ABI3BP: variants seen among roughly 807,000 people sequenced by gnomAD.
The protein encoded by ABI3BP is target of Nesh-SH3.
In ABI3BP, 216 loss-of-function variants were observed where a neutral mutation model predicts 268.6. The observed-to-expected ratio is 0.80, with a 90% CI of 0.72 to 0.90. ABI3BP has a LOEUF of 0.90. Among genes scored for constraint, ABI3BP ranks in the 40% least tolerant of loss-of-function variants. ABI3BP has a pLI of 0.00. For missense variants in ABI3BP, 2,090 were observed against 2,182.4 expected (o/e 0.96, Z 0.84); for synonymous variants, 730 against 730.0 (o/e 1.00, Z 0.00).
chr3:100,750,830 G>GT (rs779684872), intron 67 of ABI3BP, among the ~76,000 whole-genome samples: 12 of 152,198 alleles, frequency 7.9e-5, no homozygotes, highest in Non-Finnish European at 1.8e-4. Context: ...GCCGTGTCAA[G>GT]TTAGGAGGGG....
At chr3:100,758,882 G>C (rs2095787263) in intron 63 of ABI3BP, among the ~76,000 whole-genome samples, 1 of 152,150 alleles carries the variant, frequency 6.6e-6, no homozygotes, top group South Asian at 2.1e-4. Flanking sequence ...TAGGCTTCTA[G>C]CCTGAGACTG....
intron 6 of ABI3BP, among the ~76,000 whole-genome samples, chr3:100,883,016 T>A (rs1214623654): frequency 6.6e-6 from 1 of 152,144 alleles, no homozygotes. Flanking sequence ...CTATACAATG[T>A]TGACTGGATT....
chr3:100,948,134 T>C (rs1030238487), intron 1 of ABI3BP, among the ~76,000 whole-genome samples: 12 of 152,144 alleles, frequency 7.9e-5, no homozygotes, highest in African/African-American at 2.9e-4. Flanking sequence ...AGGGAAGCTA[T>C]AGAGGACAGA....
intron 2 of ABI3BP, among the ~76,000 whole-genome samples, chr3:100,919,045 G>T (rs2059495947): frequency 6.6e-6 from 1 of 152,158 alleles, no homozygotes; most frequent in Non-Finnish European, 1.5e-5. Context: ...CAGCTGTCTT[G>T]CTCCCTGCCT....
At chr3:100,944,574 A>C (rs1175130445) in intron 1 of ABI3BP, among the ~76,000 whole-genome samples, 1 of 152,196 alleles carries the variant, frequency 6.6e-6, no homozygotes, top group Non-Finnish European at 1.5e-5. Flanking sequence ...ATCTTGCAAA[A>C]ACATTGTCAA....
At chr3:100,979,610 T>C (rs2595899) in intron 1 of ABI3BP, among the ~76,000 whole-genome samples, 85,863 of 152,032 alleles carry the variant, frequency 0.56, 24,894 homozygotes, top group East Asian at 0.89. Flanking sequence ...AAGGAATGTT[T>C]GAAATGGACT....
chr3:100,927,842 C>A (rs1189869701), intron 1 of ABI3BP, among the ~76,000 whole-genome samples: 1 of 152,088 alleles, frequency 6.6e-6, no homozygotes, highest in Non-Finnish European at 1.5e-5. Context: ...ATGGCACAAC[C>A]TTAAACCTGG....
At chr3:100,844,293 AT>A (rs2152966650) in intron 20 of ABI3BP, 1 of 985,452 alleles carries the variant, frequency 1.0e-6, no homozygotes, top group South Asian at 4.7e-5. Flanking sequence ...TTTTCAGTCC[AT>A]TAGAAGCTTA....
intron 6 of ABI3BP, among the ~76,000 whole-genome samples, chr3:100,879,116 T>C (rs1028072572): frequency 1.3e-5 from 2 of 152,196 alleles, no homozygotes; most frequent in Admixed American, 6.5e-5. Flanking sequence ...TAAAGCTTAC[T>C]CCTCCTGCCT....
In ABI3BP at chr3:100,825,825, C is replaced by T; in HGVS notation, c.2622G>A (p.Glu874=). The part of the protein sequence containing the change: ...GTTFVPVTDL[E]PVTFRTEIPA... ...GGATCTCAGTTCTAAAAGTAACAGG[C>T]TCGAGGTCTGTAACAGGAACTGAAG... The change falls in exon 35 of 68, where the codon GAG becomes GAA. Residue 874 remains glutamate (E), a synonymous_variant. Coordinates refer to ENST00000471714, the MANE Select transcript of ABI3BP (RefSeq NM_001375547.2). The T allele has an allele frequency of 2.6e-6, 4 of 1,535,440 alleles. No individual in the cohort carries two copies. Among genetic ancestry groups the T allele is most frequent in the South Asian group, 1.2e-5 (1 of 84,046 alleles).
intron 2 of ABI3BP, among the ~76,000 whole-genome samples, chr3:100,908,773 G>C (rs1236577477): frequency 6.6e-6 from 1 of 152,162 alleles, no homozygotes; most frequent in Non-Finnish European, 1.5e-5. Flanking sequence ...CAAACAAATG[G>C]AAAAACATTC....
chr3:100,850,808 A>T (rs950448988), intron 15 of ABI3BP, 74 bp from the exon 16 acceptor site: 1 of 1,162,240 alleles, frequency 8.6e-7, no homozygotes, highest in African/African-American at 1.5e-5. Context: ...CATGAGTAAT[A>T]AATTATGCCT....
intron 42 of ABI3BP, among the ~76,000 whole-genome samples, chr3:100,817,132 T>A (rs985018241): frequency 6.6e-6 from 1 of 152,168 alleles, no homozygotes; most frequent in Non-Finnish European, 1.5e-5. Flanking sequence ...AGCAACTGTG[T>A]TTGAAATTTA....
intron 47 of ABI3BP, 57 bp downstream of exon 47, chr3:100,811,671 T>C (rs2097863292): frequency 2.0e-6 from 3 of 1,474,052 alleles, no homozygotes; most frequent in Admixed American, 3.9e-5. Flanking sequence ...TGGATGTAAC[T>C]GATGTTAATT....
intron 43 of ABI3BP, chr3:100,816,358 T>G: frequency 2.1e-6 from 1 of 466,850 alleles, no homozygotes. Context: ...GTTTATGTAA[T>G]CATAACAAAT....
chr3:100,897,082 G>T (rs1240360232), intron 4 of ABI3BP, among the ~76,000 whole-genome samples: 1 of 67,334 alleles, frequency 1.5e-5, no homozygotes, highest in East Asian at 8.7e-4. Context: ...CATAAACATG[G>T]CCAAAAAGCA....
intron 1 of ABI3BP, among the ~76,000 whole-genome samples, chr3:100,981,690 C>G (rs1190087088): frequency 6.6e-6 from 1 of 152,176 alleles, no homozygotes; most frequent in Non-Finnish European, 1.5e-5. Flanking sequence ...CTTCCAGACT[C>G]CTTCAGGGAG....
intron 2 of ABI3BP, among the ~76,000 whole-genome samples, chr3:100,904,795 A>T (rs192459690): frequency 2.0e-3 from 308 of 152,296 alleles, no homozygotes; most frequent in African/African-American, 7.0e-3. Flanking sequence ...AAATAGGAAC[A>T]CTTTTACACT....
At position 100,898,843 on chromosome 3, in the gene ABI3BP, G is replaced by A. The variant is rs369828909; in HGVS notation, c.380C>T (p.Pro127Leu). Residue 127 changes from proline (P) to leucine (L), a missense_variant, in exon 4 of 68, where the codon CCG becomes CTG. Pro to Leu is a moderately conservative substitution (Grantham distance 98). Coordinates refer to ENST00000471714, the MANE Select transcript of ABI3BP (RefSeq NM_001375547.2). ...PLQLVVGTLT[P>L]SSVFLSWGFL... ...ACCCCAGGACAGGAAGACCGAGCTC[G>A]GTGTCAGAGTGCCAACCACCAGCTG... 45 of 1,613,484 alleles carry A rather than the reference G, an allele frequency of 2.8e-5. No homozygotes were observed. Among genetic ancestry groups the A allele is most frequent in the Admixed American group, 1.2e-4 (7 of 59,946 alleles).
Sources: allele counts gnomAD v4.1 joint callset (sites outside exome capture counted in the v4.1 genomes callset), GRCh38; gene constraint gnomAD v4.1.1; transcripts MANE v1.5; gene names NCBI Gene and HGNC (gene_info 2026-07-23, HGNC 2026-07-21).